The following GOLM1 variants were observed in gnomAD, a reference collection of about 807,000 sequenced individuals.
The protein encoded by GOLM1 is epididymis luminal protein 46.
A neutral mutation model predicts 50.5 loss-of-function variants in GOLM1; 31 were observed. That is an observed-to-expected ratio of 0.61 (90% CI 0.46 to 0.83). GOLM1 has a LOEUF of 0.83. GOLM1 is among the 40% of genes least tolerant of loss of function. The pLI, the probability that GOLM1 is intolerant of heterozygous loss-of-function variation, is 0.00. For synonymous variants in GOLM1, 178 were observed against 192.8 expected, an observed-to-expected ratio of 0.92 and a Z score of 0.64; for missense variants, 491 against 501.3, an observed-to-expected ratio of 0.98 and a Z score of 0.20.
intron 9 of GOLM1, among the ~76,000 whole-genome samples, chr9:86,031,770 A>G (rs1832991296): frequency 6.6e-6 from 1 of 151,604 alleles, no homozygotes; most frequent in South Asian, 2.1e-4. Flanking sequence ...TGAAGTGTCT[A>G]TTTCTAAGAA....
intron 9 of GOLM1, among the ~76,000 whole-genome samples, chr9:86,032,437 G>A (rs954012067): frequency 1.3e-5 from 2 of 152,032 alleles, no homozygotes; most frequent in Admixed American, 1.3e-4. Context: ...AAAGCGCTGG[G>A]ATTACAGGTG....
At chr9:86,057,549 C>T (rs1441038785) in intron 3 of GOLM1, among the ~76,000 whole-genome samples, 2 of 152,184 alleles carry the variant, frequency 1.3e-5, no homozygotes, top group Non-Finnish European at 2.9e-5. Flanking sequence ...AAACAGAACC[C>T]CCCACTCCCA....
intron 9 of GOLM1, among the ~76,000 whole-genome samples, chr9:86,028,813 T>A (rs1436136770): frequency 6.6e-6 from 1 of 151,520 alleles, no homozygotes; most frequent in Non-Finnish European, 1.5e-5. Context: ...CATACCCCCA[T>A]TGCATGCCCT....
intron 3 of GOLM1, among the ~76,000 whole-genome samples, chr9:86,074,167 T>C (rs993002183): frequency 1.4e-4 from 21 of 150,126 alleles, no homozygotes; most frequent in African/African-American, 3.5e-4. Flanking sequence ...AGAATCACCA[T>C]GGTTCTTTAA....
At chr9:86,035,329 G>A in intron 8 of GOLM1, 39 bp downstream of exon 8, 1 of 1,600,136 alleles carries the variant, frequency 6.2e-7, no homozygotes, top group Non-Finnish European at 8.5e-7. Context: ...GTGTCTGGTG[G>A]AAGGGAGTCC....
At chr9:86,079,116 C>T in intron 2 of GOLM1, 76 bp downstream of exon 2, 1 of 1,328,352 alleles carries the variant, frequency 7.5e-7, no homozygotes, top group Non-Finnish European at 1.0e-6. Context: ...AAACAACAAA[C>T]CCCTGGGACC....
chr9:86,041,804 G>A (rs192631248), intron 5 of GOLM1, among the ~76,000 whole-genome samples: 20 of 152,286 alleles, frequency 1.3e-4, no homozygotes, highest in Admixed American at 1.3e-3. Context: ...TAGGGGGTCT[G>A]TGCTAAGTGG....
chr9:86,056,507 T>C lies in GOLM1; in HGVS notation c.310-3916A>G, dbSNP rs74666818. On this transcript the variant is annotated intron_variant, in intron 3 of 9. Transcript: ENST00000388712. The stretch of plus-strand genomic sequence containing the variant: ...TTTTTATTTATTTTTTATTTAAATT[T>C]TTTTTTTTTTTTTTTTTGAGACGAA... 6.0e-3 allele frequency among the ~76,000 whole-genome samples: 808 copies of C among 134,796 alleles called. 10 individuals are homozygous for C. Among genetic ancestry groups the C allele is most frequent in the Non-Finnish European group, 9.3e-3 (567 of 61,072 alleles). The allele number at this position is 134,796 out of a possible 152,430, so 88.4% of individuals were successfully genotyped here.
chr9:86,086,592 C>A (rs1156753187), intron 1 of GOLM1, among the ~76,000 whole-genome samples: 1 of 151,678 alleles, frequency 6.6e-6, no homozygotes, highest in African/African-American at 2.4e-5. Flanking sequence ...TTAGGTCTTA[C>A]GTTTAAGTCT....
chr9:86,028,832 G>C (rs932447227), intron 9 of GOLM1, among the ~76,000 whole-genome samples: 5 of 151,068 alleles, frequency 3.3e-5, no homozygotes, highest in African/African-American at 4.9e-5. Context: ...CTGTGAAGGG[G>C]ATAAGGGAAC....
In GOLM1 at chr9:86,026,243, T is replaced by TATCA. The variant is rs1554780906; in HGVS notation, c.*1570_*1573dup. ...TATTGAGAAAGCAAGAGAAAATTCC[T>TATCA]ATCAACCCCAAGGAGGACTCAAAGT... On this transcript the variant is annotated 3_prime_UTR_variant, in exon 10 of 10. Coordinates refer to ENST00000388712, the MANE Select transcript of GOLM1 (RefSeq NM_016548.4). 1.0e-4 allele frequency: 100 copies of TATCA among 984,776 alleles called. No individual in the cohort carries two copies. In the East Asian group the frequency reaches 2.4e-3, roughly 24 times the overall value. 61.0% of individuals were successfully genotyped at this position (984,776 alleles called of 1,614,324 possible).
chr9:86,086,689 G>A (rs7034627), intron 1 of GOLM1, among the ~76,000 whole-genome samples: 103,035 of 152,124 alleles, frequency 0.68, 35,614 homozygotes, highest in African/African-American at 0.81. Flanking sequence ...AGTTTTCCCA[G>A]TGCCATTTAT....
At chr9:86,041,081 C>G (rs1423313169) in intron 5 of GOLM1, among the ~76,000 whole-genome samples, 3 of 152,166 alleles carry the variant, frequency 2.0e-5, no homozygotes, top group Non-Finnish European at 4.4e-5. Context: ...TGTTCTAAAA[C>G]AGTGAACTTT....
intron 1 of GOLM1, among the ~76,000 whole-genome samples, chr9:86,094,244 A>G (rs1203871256): frequency 6.6e-6 from 1 of 152,196 alleles, no homozygotes; most frequent in Non-Finnish European, 1.5e-5. Context: ...GTAGAACTGA[A>G]AAGTTGAGAC....
chr9:86,067,726 G>A (rs536335419), intron 3 of GOLM1, among the ~76,000 whole-genome samples: 1 of 152,338 alleles, frequency 6.6e-6, no homozygotes, highest in Non-Finnish European at 1.5e-5. Flanking sequence ...GGGTTGGCCG[G>A]GCGCAGTGGC....
chr9:86,039,339 T>TA (rs1356261546), intron 6 of GOLM1, among the ~76,000 whole-genome samples: 3 of 152,168 alleles, frequency 2.0e-5, no homozygotes, highest in Non-Finnish European at 2.9e-5. Context: ...GGAGCCCTCA[T>TA]AAACTACTGG....
chr9:86,076,702 T>C (rs1323641990), intron 3 of GOLM1, among the ~76,000 whole-genome samples: 1 of 149,696 alleles, frequency 6.7e-6, no homozygotes, highest in Non-Finnish European at 1.5e-5. Flanking sequence ...CCATCTCTAC[T>C]AAAAATATAA....
intron 1 of GOLM1, among the ~76,000 whole-genome samples, chr9:86,089,441 G>C (rs1835103365): frequency 1.3e-5 from 2 of 152,090 alleles, no homozygotes; most frequent in Admixed American, 6.6e-5. Flanking sequence ...TTTGTTGGAG[G>C]CTTTGTTCAT....
intron 9 of GOLM1, among the ~76,000 whole-genome samples, chr9:86,029,482 T>G (rs1832902955): frequency 6.6e-6 from 1 of 152,136 alleles, no homozygotes; most frequent in African/African-American, 2.4e-5. Flanking sequence ...CTGATCTTAC[T>G]CTATCCTTTT....
Sources: allele counts gnomAD v4.1 joint callset (sites outside exome capture counted in the v4.1 genomes callset), GRCh38; gene constraint gnomAD v4.1.1; transcripts MANE v1.5; gene names NCBI Gene and HGNC (gene_info 2026-07-23, HGNC 2026-07-21).